F11R: variants seen among roughly 807,000 people sequenced by gnomAD.
F11R encodes the protein F11 receptor.
F11R carries 27 observed loss-of-function variants against 39.3 expected under a neutral mutation model. The ratio of observed to expected loss-of-function variants is 0.69; its 90% confidence interval spans 0.51 to 0.95. The LOEUF is 0.95. F11R is among the 40% of genes least tolerant of loss of function. F11R has a pLI of 0.00. For missense variants in F11R, 335 were observed against 372.7 expected (o/e 0.90, Z 0.83); for synonymous variants, 131 against 144.9 (o/e 0.90, Z 0.69).
Position 160,995,226 on chromosome 1 carries a change from T to G in F11R, c.*3645A>C, listed in dbSNP as rs1648039367. ...CTGGAAAAGCTAAAGAATTGGATAT[T>G]TTTTAATGCAAATTGTTGTTTTTCT... is the stretch of plus-strand genomic sequence containing the variant. On this transcript the variant is annotated 3_prime_UTR_variant, in exon 10 of 10. Coordinates refer to ENST00000368026, the MANE Select transcript of F11R (RefSeq NM_016946.6). The G allele has an allele frequency of 6.6e-6, 1 of 152,316 alleles. No individual in the cohort carries two copies. The highest frequency in any genetic ancestry group is 2.4e-5 in the African/African-American group (1 of 41,442). 9.4% of individuals were successfully genotyped at this position (152,316 alleles called of 1,614,324 possible).
At position 160,998,716 on chromosome 1, in the gene F11R, G is replaced by T; in HGVS notation, c.*155C>A. On this transcript the variant is annotated 3_prime_UTR_variant, in exon 10 of 10. Transcript: ENST00000368026. ...GGCATGAAGGAGGATGGGGCACATA[G>T]CTGACATTATTAAAAACACATCCGA... 1.4e-6 allele frequency: 1 copy of T among 691,212 alleles called. No individual in the cohort carries two copies. Among genetic ancestry groups the T allele is most frequent in the Non-Finnish European group, 2.5e-6 (1 of 392,780 alleles). 42.8% of individuals were successfully genotyped at this position (691,212 alleles called of 1,614,324 possible). A position where few individuals can be genotyped will look rare whatever the true frequency, so the allele number is the denominator to read the frequency against.
intron 1 of F11R, among the ~76,000 whole-genome samples, chr1:161,020,056 CACA>C (rs1649673601): frequency 6.6e-6 from 1 of 152,120 alleles, no homozygotes; most frequent in Non-Finnish European, 1.5e-5. Context: ...CAACTACTCA[CACA>C]ACGACACGCA....
chr1:161,016,749 G>A (rs1485638476), intron 1 of F11R, among the ~76,000 whole-genome samples: 2 of 152,176 alleles, frequency 1.3e-5, no homozygotes, highest in Non-Finnish European at 2.9e-5. Flanking sequence ...GGTAGAACTA[G>A]GAAGTGCCAG....
chr1:161,017,751 C>T (rs1649543219), intron 1 of F11R, among the ~76,000 whole-genome samples: 1 of 152,104 alleles, frequency 6.6e-6, no homozygotes, highest in Non-Finnish European at 1.5e-5. Flanking sequence ...TTCCAAGTCT[C>T]GTTCCACCTT....
In F11R at chr1:161,000,322, T is replaced by G. The variant is rs1354339674; in HGVS notation, c.415A>C (p.Ile139Leu). 1 of 1,613,866 alleles carries G rather than the reference T, an allele frequency of 6.2e-7. No individual in the cohort carries two copies. Among genetic ancestry groups the G allele is most frequent in the East Asian group, 2.2e-5 (1 of 44,892 alleles). ...TTCCCAATGGTGGCAGAGGAGGGGA[T>G]GTTAACTGTAGGCTTGGATGGAGGC... Reference protein sequence around the residue: ...LVPPSKPTVNIPSSATIGNRA... With the variant: ...LVPPSKPTVNLPSSATIGNRA... The change falls in exon 5 of 10, where the codon ATC (isoleucine) becomes CTC (leucine). Residue 139 changes from isoleucine to leucine, a missense_variant. Coordinates refer to ENST00000368026, the MANE Select transcript of F11R (RefSeq NM_016946.6).
At chr1:161,015,850 G>A (rs1649436317) in intron 1 of F11R, among the ~76,000 whole-genome samples, 2 of 152,058 alleles carry the variant, frequency 1.3e-5, no homozygotes, top group South Asian at 2.1e-4. Context: ...GGTTTGGGGT[G>A]AACAGGAGCA....
intron 8 of F11R, 80 bp from the exon 9 acceptor site, chr1:160,999,171 A>C (rs1224466941): frequency 7.5e-6 from 12 of 1,590,522 alleles, no homozygotes; most frequent in African/African-American, 2.7e-5. Context: ...AAAGGCCAGA[A>C]GCGAGAATGC....
intron 1 of F11R, among the ~76,000 whole-genome samples, chr1:161,018,018 C>T (rs1305044930): frequency 6.6e-6 from 1 of 152,234 alleles, no homozygotes; most frequent in African/African-American, 2.4e-5. Context: ...AGGTTTCCCT[C>T]TCTCCCCTGT....
chr1:160,999,441 G>C (rs369569945), intron 7 of F11R, 33 bp from the exon 8 acceptor site: 20 of 1,614,066 alleles, frequency 1.2e-5, no homozygotes, highest in Non-Finnish European at 1.7e-5. Flanking sequence ...ATGAGTGTCA[G>C]CAGGACAGAA....
intron 1 of F11R, among the ~76,000 whole-genome samples, chr1:161,009,400 T>C (rs1649003542): frequency 6.6e-6 from 1 of 151,868 alleles, no homozygotes; most frequent in Non-Finnish European, 1.5e-5. Context: ...CTGGTACAAG[T>C]TGACATTCAA....
rs1329430274 is a variant in F11R at position 161,001,435 on chromosome 1, G to C, written c.65-82C>G. On this transcript the variant is annotated intron_variant, in intron 1 of 9. Transcript: ENST00000368026. ...GAAGGAGTCACAGACCCAGTGGACAGGGCTTCTCCATTCACAGACCCTAAG... is the reference window on the plus strand; with the variant it reads ...GAAGGAGTCACAGACCCAGTGGACACGGCTTCTCCATTCACAGACCCTAAG... The C allele has an allele frequency of 5.8e-6, 7 of 1,211,536 alleles. No homozygotes were observed. The East Asian group carries it at 1.4e-4, about 25-fold the overall frequency. The allele number at this position is 1,211,536 out of a possible 1,614,324, so 75.0% of individuals were successfully genotyped here.
At chr1:161,017,837 C>G (rs953637734) in intron 1 of F11R, among the ~76,000 whole-genome samples, 11 of 152,198 alleles carry the variant, frequency 7.2e-5, no homozygotes, top group African/African-American at 2.7e-4. Flanking sequence ...ATGCCTGCCC[C>G]TGAAAGGGCA....
intron 5 of F11R, 81 bp downstream of exon 5, chr1:161,000,065 C>G (rs1331478880): frequency 1.3e-6 from 2 of 1,597,798 alleles, no homozygotes; most frequent in African/African-American, 2.7e-5. Flanking sequence ...CAAGTTCACC[C>G]TGTTGCCTGT....
intron 1 of F11R, among the ~76,000 whole-genome samples, chr1:161,018,991 G>A (rs986573983): frequency 1.3e-5 from 2 of 152,078 alleles, no homozygotes; most frequent in South Asian, 2.1e-4. Context: ...GGAAATTAGA[G>A]GGAGAAAAAA....
rs1248451719 is a variant in F11R at position 161,010,441 on chromosome 1, C to CAAAAAAAAAAAAAA, written c.65-9102_65-9089dup. Among the ~76,000 whole-genome samples the CAAAAAAAAAAAAAA allele has an allele frequency of 1.0e-3, 82 of 80,192 alleles. 1 individual carries two copies. Among genetic ancestry groups the CAAAAAAAAAAAAAA allele is most frequent in the Non-Finnish European group, 1.3e-3 (59 of 44,546 alleles). The allele number at this position is 80,192 out of a possible 152,430, so 52.6% of individuals were successfully genotyped here. On this transcript the variant is annotated intron_variant, in intron 1 of 9. Coordinates refer to ENST00000368026, the MANE Select transcript of F11R (RefSeq NM_016946.6). ...CCTGGGTGACAGAGCGAGACTCCAT[C>CAAAAAAAAAAAAAA]AAAAAAAAAAAAAAAACAGTTGATC...
chr1:160,999,551 C>T, intron 7 of F11R, 89 bp downstream of exon 7: 1 of 1,501,136 alleles, frequency 6.7e-7, no homozygotes, highest in Non-Finnish European at 9.3e-7. Context: ...CACATGAGCA[C>T]AGTATCAGGG....
rs1648352976 is a variant in F11R at position 160,999,757 on chromosome 1, A to G, written c.695-10T>C. ...CCCACATTCCGCTCCACTGCGAGAC[A>G]CAAATAAGAAGTCAGGCACGGGGAT... On this transcript the variant is annotated splice_polypyrimidine_tract_variant and intron_variant, in intron 6 of 9. Coordinates refer to ENST00000368026, the MANE Select transcript of F11R (RefSeq NM_016946.6). 2 of 1,613,782 alleles carry G rather than the reference A, an allele frequency of 1.2e-6. No homozygotes were observed. Among genetic ancestry groups the G allele is most frequent in the Non-Finnish European group, 1.7e-6 (2 of 1,179,782 alleles).
chr1:161,004,060 G>A (rs1290943921), intron 1 of F11R, among the ~76,000 whole-genome samples: 3 of 152,006 alleles, frequency 2.0e-5, no homozygotes, highest in Admixed American at 6.6e-5. Context: ...CACCGCGCCC[G>A]GCAATTTTTT....
Position 161,001,018 on chromosome 1 carries a change from A to G in F11R, c.241+2T>C, listed in dbSNP as rs764045610. On this transcript the variant is annotated splice_donor_variant, in intron 3 of 9. Coordinates refer to ENST00000368026, the MANE Select transcript of F11R (RefSeq NM_016946.6). LOFTEE classifies it high-confidence loss of function. ...AATCAGGAAGGAGGAGAAGCAACTC[A>G]CCTGTGATCTTGTTATTATAGCAAA... is the stretch of plus-strand genomic sequence containing the variant. 1.4e-5 allele frequency: 22 copies of G among 1,611,772 alleles called. No homozygotes were observed. The highest frequency in any genetic ancestry group is 1.8e-5 in the Non-Finnish European group (21 of 1,178,040).
Sources: allele counts gnomAD v4.1 joint callset (sites outside exome capture counted in the v4.1 genomes callset), GRCh38; gene constraint gnomAD v4.1.1; transcripts MANE v1.5; gene names NCBI Gene and HGNC (gene_info 2026-07-23, HGNC 2026-07-21).